Variants in MIA3 observed in about 807,000 individuals in gnomAD.
MIA3 encodes the protein MIA SH3 domain ER export factor 3.
A neutral mutation model predicts 192.4 loss-of-function variants in MIA3; 90 were observed. The observed-to-expected ratio is 0.47, with a 90% confidence interval of 0.39 to 0.56. The LOEUF is 0.56. MIA3 is among the 20% of genes least tolerant of loss of function. The probability of loss-of-function intolerance (pLI) is 0.00; values close to 1 mark genes in which losing one functional copy is unlikely to be tolerated. For synonymous variants in MIA3, 740 were observed against 792.8 expected, an observed-to-expected ratio of 0.93 and a Z score of 1.12; for missense variants, 2,123 against 2,269.4, an observed-to-expected ratio of 0.94 and a Z score of 1.31.
intron 13 of MIA3, 66 bp from the exon 14 acceptor site, chr1:222,652,942 A>G: frequency 6.5e-7 from 1 of 1,534,210 alleles, no homozygotes; most frequent in Non-Finnish European, 8.8e-7. Flanking sequence ...TGTCTCATTC[A>G]TGTGGTCCTA....
chr1:222,654,826 T>C lies in MIA3; in HGVS notation c.4607+33T>C, dbSNP rs1303003939. The C allele has an allele frequency of 3.8e-6, 6 of 1,581,514 alleles. No homozygotes were observed. The African/African-American group carries it at 6.8e-5, about 18-fold the overall frequency. ...TATCATCATTTACTGTTAACTGTAT[T>C]GTCATGTCAGTAAATAAATGTGTAC... On this transcript the variant is annotated intron_variant, in intron 18 of 27. Coordinates refer to ENST00000344922, the MANE Select transcript of MIA3 (RefSeq NM_198551.4).
rs747846996 is a variant in MIA3, at chr1:222,665,291, A to ATAAT, written c.5414-16_5414-13dup. ...ATACGTTCCTAGGAATTTACTGGAA[A>ATAAT]TAATTTTTGTTTTCCAGGCCCTGGT... On this transcript the variant is annotated splice_polypyrimidine_tract_variant and intron_variant, in intron 27 of 27. Transcript: ENST00000344922. The ATAAT allele has an allele frequency of 1.3e-6, 2 of 1,559,476 alleles. No homozygotes were observed. The highest frequency in any genetic ancestry group is 2.8e-5 in the African/African-American group (2 of 72,500).
At chr1:222,652,361 G>A in intron 13 of MIA3, 29 bp downstream of exon 13, 1 of 1,423,274 alleles carries the variant, frequency 7.0e-7, no homozygotes, top group Non-Finnish European at 9.9e-7. Flanking sequence ...CCCAGGTCAT[G>A]TAAAATAGAG....
In MIA3 at chr1:222,659,791, T is replaced by G. The variant is rs1164362268; in HGVS notation, c.4864T>G (p.Leu1622Val). 1.2e-6 allele frequency: 2 copies of G among 1,614,070 alleles called. No homozygotes were observed. Among genetic ancestry groups the G allele is most frequent in the South Asian group, 2.2e-5 (2 of 91,078 alleles). ...IAEEKREAAN[L>V]RHKLLELTQK... is the part of the protein sequence containing the mutation. ...TGAAGAGAAAAGGGAAGCTGCCAAT[T>G]TGAGACACAAGTATGTGGATTTTGA... The change falls in exon 22 of 28, where the codon TTG becomes GTG. Residue 1622 changes from leucine to valine, a missense_variant. Around this residue, in one of 3 missense-constraint regions of MIA3, gnomAD observed 762 missense variants for 856.4 expected, o/e 0.89. Coordinates refer to ENST00000344922, the MANE Select transcript of MIA3 (RefSeq NM_198551.4).
At chr1:222,641,850 A>G (rs1662875056) in intron 6 of MIA3, 2 of 497,024 alleles carry the variant, frequency 4.0e-6, no homozygotes, top group Non-Finnish European at 8.2e-6. Flanking sequence ...TCTCTGTGAT[A>G]GTCTTGGAAG....
intron 8 of MIA3, 127 bp downstream of exon 8, chr1:222,648,977 C>A: frequency 1.6e-6 from 1 of 636,622 alleles, no homozygotes; most frequent in Non-Finnish European, 2.7e-6. Flanking sequence ...GAAAACTTTA[C>A]TGTTCCTAGG....
intron 6 of MIA3, among the ~76,000 whole-genome samples, chr1:222,639,527 AG>A (rs1466785624): frequency 3.3e-5 from 5 of 152,200 alleles, no homozygotes; most frequent in Admixed American, 1.3e-4. Context: ...ATATATAAAA[AG>A]GAAAATACTC....
intron 18 of MIA3, among the ~76,000 whole-genome samples, chr1:222,656,949 C>T (rs1286881612): frequency 6.6e-6 from 1 of 152,180 alleles, no homozygotes; most frequent in Non-Finnish European, 1.5e-5. Flanking sequence ...TTGTAAGGCA[C>T]AATTGCTTTA....
intron 1 of MIA3, 134 bp downstream of exon 1, chr1:222,618,377 G>C: frequency 2.1e-6 from 2 of 941,852 alleles, no homozygotes; most frequent in Non-Finnish European, 2.8e-6. Context: ...CGGCCCGGGG[G>C]TCGCAGGCGG....
chr1:222,646,422 A>T (rs1663146876), intron 7 of MIA3, among the ~76,000 whole-genome samples: 1 of 149,388 alleles, frequency 6.7e-6, no homozygotes, highest in Non-Finnish European at 1.5e-5. Flanking sequence ...TCAAAAAAAA[A>T]AAAAAAGAAA....
intron 6 of MIA3, among the ~76,000 whole-genome samples, chr1:222,637,397 C>T (rs1223183539): frequency 6.6e-6 from 1 of 152,098 alleles, no homozygotes; most frequent in East Asian, 1.9e-4. Flanking sequence ...TTTTAAAATT[C>T]TCTTTATATT....
rs759293940 is a variant in MIA3, at chr1:222,662,064, G to A, written c.5122G>A (p.Asp1708Asn). 4 of 1,613,720 alleles carry A rather than the reference G, an allele frequency of 2.5e-6. No individual in the cohort carries two copies. The South Asian group carries it at 4.4e-5, about 18-fold the overall frequency. The change falls in exon 25 of 28, where the codon GAC becomes AAC. Residue 1708 changes from aspartate (D) to asparagine (N), a missense_variant. By Grantham distance (23) the Asp-to-Asn change is conservative. Around this residue, in one of 3 missense-constraint regions of MIA3, gnomAD observed 762 missense variants for 856.4 expected, o/e 0.89. Transcript: ENST00000344922. ...GTTATTTCTTTCTCAAGGATCAGTGGACGGGCCTCTACCTCATCCTCGATG... is the reference window on the plus strand; with the variant it reads ...GTTATTTCTTTCTCAAGGATCAGTGAACGGGCCTCTACCTCATCCTCGATG... ...DMPRSEFGSVDGPLPHPRWSA... is the reference protein window; with the variant it reads ...DMPRSEFGSVNGPLPHPRWSA...
intron 18 of MIA3, among the ~76,000 whole-genome samples, chr1:222,655,866 T>G (rs1183308492): frequency 6.6e-6 from 1 of 151,992 alleles, no homozygotes; most frequent in Non-Finnish European, 1.5e-5. Flanking sequence ...TGGTTTGTAC[T>G]CTACTGTCCA....
rs2124841743 is a variant in MIA3 at position 222,628,701 on chromosome 1, C to T, written c.1481C>T (p.Thr494Ile). Residue 494 changes from threonine to isoleucine, a missense_variant, in exon 4 of 28, where the codon ACT becomes ATT. Physicochemically the swap from Thr to Ile is moderately conservative, Grantham distance 89. Around this residue, in one of 3 missense-constraint regions of MIA3, gnomAD observed 1,357 missense variants for 1,396.1 expected, o/e 0.97. Coordinates refer to ENST00000344922, the MANE Select transcript of MIA3 (RefSeq NM_198551.4). ...GAGGATGAAAATCAAGAAGGCATGA[C>T]TGTGCACAGTTCTGTTCACAGCAAT... ...ELEDENQEGM[T>I]VHSSVHSNNL... The T allele has an allele frequency of 6.2e-7, 1 of 1,614,102 alleles. No homozygotes were observed. Among genetic ancestry groups the T allele is most frequent in the South Asian group, 1.1e-5 (1 of 91,084 alleles).
Position 222,665,364 on chromosome 1 carries a change from AG to A in MIA3, c.5471del (p.Gly1824GlufsTer22), listed in dbSNP as rs1254916277. On this transcript the variant is annotated frameshift_variant, in exon 28 of 28. Transcript: ENST00000344922. LOFTEE classifies it low-confidence loss of function (END_TRUNC). ...GAGAATTTGCACCAGGCGTTCCACC[AG>A]GAAGACGGGACCTGCCTCTCCACCC... ...LREFAPGVPP[G>X]RRDLPLHPRG... 6.2e-7 allele frequency: 1 copy of A among 1,614,036 alleles called. No individual in the cohort carries two copies. The highest frequency in any genetic ancestry group is 2.2e-5 in the East Asian group (1 of 44,878).
chr1:222,622,718 T>C (rs561987296), intron 2 of MIA3, among the ~76,000 whole-genome samples: 2 of 152,256 alleles, frequency 1.3e-5, no homozygotes, highest in Non-Finnish European at 2.9e-5. Flanking sequence ...CTGCGTTTTT[T>C]CATAGAAAAG....
chr1:222,661,262 G>C (rs1390097521), intron 24 of MIA3: 1 of 152,338 alleles, frequency 6.6e-6, no homozygotes, highest in Admixed American at 6.5e-5. Context: ...ACTAGAAAAA[G>C]TTGAATTGCT....
intron 17 of MIA3, 74 bp from the exon 18 acceptor site, chr1:222,654,581 T>A (rs1343722062): frequency 6.4e-7 from 1 of 1,571,082 alleles, no homozygotes; most frequent in Non-Finnish European, 8.7e-7. Context: ...CTCATTTCTC[T>A]CAGCACCAGC....
intron 6 of MIA3, among the ~76,000 whole-genome samples, chr1:222,643,498 T>C (rs1371979011): frequency 2.0e-5 from 3 of 152,162 alleles, no homozygotes; most frequent in South Asian, 2.1e-4. Flanking sequence ...TTCCTCTGAG[T>C]TGACTTTATA....
Sources: allele counts gnomAD v4.1 joint callset (sites outside exome capture counted in the v4.1 genomes callset), GRCh38; gene constraint gnomAD v4.1.1; regional missense constraint gnomAD v4.1.1; transcripts MANE v1.5; gene names NCBI Gene and HGNC (gene_info 2026-07-23, HGNC 2026-07-21).